CCDC178: variants seen among roughly 807,000 people sequenced by gnomAD.
CCDC178 encodes the protein coiled-coil domain containing 178, also known as coiled-coil domain-containing protein 178.
CCDC178 carries 126 observed loss-of-function variants against 117.4 expected under a neutral mutation model. The observed-to-expected ratio is 1.07, with a 90% CI of 0.93 to 1.24. The LOEUF (loss-of-function observed/expected upper bound fraction) is 1.24, where lower values mean the gene tolerates loss of function less well. Ranked by LOEUF, CCDC178 falls within the 50% of genes most tolerant of loss-of-function variation. CCDC178 has a pLI of 0.00. For missense variants in CCDC178, 1,030 were observed against 986.9 expected (o/e 1.04, Z -0.59); for synonymous variants, 283 against 313.4 (o/e 0.90, Z 1.02).
intron 9 of CCDC178, among the ~76,000 whole-genome samples, chr18:33,333,806 C>T (rs560296684): frequency 1.3e-5 from 2 of 152,100 alleles, no homozygotes; most frequent in Admixed American, 1.3e-4. Context: ...GCCACCGCAC[C>T]CGGCCAAATC....
intron 22 of CCDC178, among the ~76,000 whole-genome samples, chr18:32,946,945 A>C (rs892016378): frequency 6.6e-6 from 1 of 151,664 alleles, no homozygotes; most frequent in African/African-American, 2.4e-5. Flanking sequence ...ACGCCCGGCT[A>C]ATTTTTTTGT....
chr18:32,997,080 G>A (rs1025087732), intron 21 of CCDC178, among the ~76,000 whole-genome samples: 16 of 151,976 alleles, frequency 1.1e-4, no homozygotes, highest in East Asian at 5.8e-4. Context: ...TCTCTCTTTC[G>A]TTTTGAATTT....
chr18:33,284,170 C>T (rs1460432524), intron 12 of CCDC178, among the ~76,000 whole-genome samples: 13 of 152,122 alleles, frequency 8.5e-5, no homozygotes, highest in Non-Finnish European at 1.8e-4. Flanking sequence ...AACCAAATGC[C>T]GCATGTTCTC....
intron 11 of CCDC178, among the ~76,000 whole-genome samples, chr18:33,314,054 A>C (rs1230749382): frequency 6.7e-6 from 1 of 149,886 alleles, no homozygotes; most frequent in South Asian, 2.1e-4. Flanking sequence ...CAAAAAAATT[A>C]GCCGGGCGTA....
chr18:33,283,580 C>T (rs2060051293), intron 12 of CCDC178, among the ~76,000 whole-genome samples: 1 of 151,986 alleles, frequency 6.6e-6, no homozygotes, highest in Admixed American at 6.6e-5. Context: ...AACCAAGTAA[C>T]CCCATTAAAA....
intron 10 of CCDC178, among the ~76,000 whole-genome samples, chr18:33,327,560 T>G (rs1018564200): frequency 6.6e-6 from 1 of 152,224 alleles, no homozygotes; most frequent in African/African-American, 2.4e-5. Context: ...GCACTATTTT[T>G]GCATTCCCAC....
intron 20 of CCDC178, among the ~76,000 whole-genome samples, chr18:33,186,939 G>A (rs2058801520): frequency 1.3e-5 from 2 of 152,108 alleles, no homozygotes; most frequent in East Asian, 1.9e-4. Flanking sequence ...GTACTAGTCC[G>A]TTTTCACACT....
intron 11 of CCDC178, among the ~76,000 whole-genome samples, chr18:33,300,181 G>A (rs1427716099): frequency 6.6e-6 from 1 of 152,100 alleles, no homozygotes; most frequent in Admixed American, 6.5e-5. Flanking sequence ...CTGCTTGCCT[G>A]CTCCCACTTC....
intron 5 of CCDC178, 88 bp from the exon 6 acceptor site, chr18:33,370,277 T>C (rs2063279637): frequency 1.2e-6 from 1 of 807,224 alleles, no homozygotes. Context: ...TTCTGCTTTA[T>C]TAGTGCTAAT....
Position 33,371,554 on chromosome 18 carries a change from T to C in CCDC178, c.209-1365A>G, listed in dbSNP as rs1460808770. Reference sequence around the variant, plus strand: ...TATGGAGTATAAGCTGTGAAGGCTGTTTTTATATTTTAAAAGTATGGCAAA... The same window carrying C: ...TATGGAGTATAAGCTGTGAAGGCTGCTTTTATATTTTAAAAGTATGGCAAA... On this transcript the variant is annotated intron_variant, in intron 5 of 22. Coordinates refer to ENST00000383096, the MANE Select transcript of CCDC178 (RefSeq NM_001105528.4). Among the ~76,000 whole-genome samples the C allele has an allele frequency of 7.2e-5, 11 of 151,902 alleles. No homozygotes were observed. The Admixed American group carries it at 7.2e-4, about 10-fold the overall frequency.
At position 33,212,055 on chromosome 18, in the gene CCDC178, C is replaced by T; in HGVS notation, c.2079G>A (p.Lys693=). 1 of 1,561,978 alleles carries T rather than the reference C, an allele frequency of 6.4e-7. No homozygotes were observed. The highest frequency in any genetic ancestry group is 8.6e-7 in the Non-Finnish European group (1 of 1,159,314). ...KSFDQTLEIL[K]NKFITMRFKR... ...TAAATCTCATAGTTATAAATTTGTT[C>T]CTGTGAAGAAAGAATTCCATGTGCC... Residue 693 remains lysine (K), a splice_region_variant and synonymous_variant, in exon 20 of 23, where the codon AAG becomes AAA. Transcript: ENST00000383096.
chr18:33,435,001 A>C (rs1022570137), intron 2 of CCDC178, among the ~76,000 whole-genome samples: 6 of 152,126 alleles, frequency 3.9e-5, no homozygotes, highest in Admixed American at 6.5e-5. Flanking sequence ...CATTTTGTTT[A>C]TCTTTGAACC....
At chr18:33,431,637 A>G (rs1162253238) in intron 2 of CCDC178, among the ~76,000 whole-genome samples, 3 of 152,280 alleles carry the variant, frequency 2.0e-5, no homozygotes, top group South Asian at 4.1e-4. Context: ...AAATACTCCT[A>G]CTAGGAGCCA....
chr18:33,147,026 T>C (rs1017539856), intron 20 of CCDC178, among the ~76,000 whole-genome samples: 1 of 152,044 alleles, frequency 6.6e-6, no homozygotes, highest in East Asian at 1.9e-4. Flanking sequence ...AACAGCCTCT[T>C]CAGACATGGC....
chr18:33,278,630 C>T (rs2144812757), intron 12 of CCDC178, among the ~76,000 whole-genome samples: 1 of 152,052 alleles, frequency 6.6e-6, no homozygotes, highest in Non-Finnish European at 1.5e-5. Context: ...ACTGAATTTA[C>T]CAACCTTCTA....
At chr18:33,333,643 G>T (rs966354834) in intron 9 of CCDC178, among the ~76,000 whole-genome samples, 1 of 151,026 alleles carries the variant, frequency 6.6e-6, no homozygotes, top group Non-Finnish European at 1.5e-5. Context: ...CTCCCAAGCA[G>T]TTGGGATTAC....
chr18:33,063,760 C>G (rs779074618), intron 21 of CCDC178, among the ~76,000 whole-genome samples: 1 of 152,186 alleles, frequency 6.6e-6, no homozygotes, highest in Admixed American at 6.5e-5. Flanking sequence ...ACTAGTGCCC[C>G]TGTATACCAC....
At chr18:33,160,109 A>T (rs1461440738) in intron 20 of CCDC178, among the ~76,000 whole-genome samples, 1 of 152,120 alleles carries the variant, frequency 6.6e-6, no homozygotes, top group South Asian at 2.1e-4. Context: ...CCCTCAGGAA[A>T]GCTACTTACT....
intron 20 of CCDC178, among the ~76,000 whole-genome samples, chr18:33,110,206 C>G (rs973659726): frequency 2.0e-5 from 3 of 151,486 alleles, no homozygotes; most frequent in African/African-American, 7.3e-5. Context: ...CTTTCTGAAG[C>G]GATTTTCCAG....
Sources: gnomAD v4.1 joint callset for allele counts (sites outside exome capture counted in the v4.1 genomes callset) on GRCh38, gnomAD v4.1.1 for gene constraint, MANE v1.5 for transcripts, NCBI Gene and HGNC (gene_info 2026-07-23, HGNC 2026-07-21) for gene names.